Variants in DOK6 observed in about 807,000 individuals in gnomAD.
The protein encoded by DOK6 is docking protein 6.
A neutral mutation model predicts 44.0 loss-of-function variants in DOK6; 22 were observed. That is an observed-to-expected ratio of 0.50 (90% CI 0.36 to 0.71). The LOEUF is 0.71. DOK6 is among the 30% of genes least tolerant of loss of function. DOK6 has a pLI of 0.00. For synonymous variants in DOK6, 166 were observed against 145.5 expected, an observed-to-expected ratio of 1.14 and a Z score of -1.01; for missense variants, 340 against 416.4, an observed-to-expected ratio of 0.82 and a Z score of 1.60.
At chr18:69,723,584 GGC>G (rs1288390816) in intron 5 of DOK6, among the ~76,000 whole-genome samples, 1 of 152,188 alleles carries the variant, frequency 6.6e-6, no homozygotes, top group Non-Finnish European at 1.5e-5. Context: ...TGGGGAAGGT[GGC>G]AGAGGCCAAT....
intron 4 of DOK6, among the ~76,000 whole-genome samples, chr18:69,696,548 T>A (rs1986393369): frequency 6.6e-6 from 1 of 152,200 alleles, no homozygotes; most frequent in Non-Finnish European, 1.5e-5. Context: ...ATGTTTTACT[T>A]TCCGTTTCTA....
chr18:69,539,531 C>G (rs1982213040), intron 1 of DOK6, among the ~76,000 whole-genome samples: 1 of 149,412 alleles, frequency 6.7e-6, no homozygotes, highest in Admixed American at 6.7e-5. Flanking sequence ...GCTGGGACTA[C>G]AGGCACAGGG....
At chr18:69,590,249 G>A (rs1983593252) in intron 2 of DOK6, among the ~76,000 whole-genome samples, 1 of 152,082 alleles carries the variant, frequency 6.6e-6, no homozygotes, top group South Asian at 2.1e-4. Context: ...ACTGTGTCCT[G>A]CATAAGAACA....
At position 69,845,309 on chromosome 18, in the gene DOK6, AT is replaced by A. The variant is rs1281499823; in HGVS notation, c.*3928del. On this transcript the variant is annotated 3_prime_UTR_variant, in exon 8 of 8. Transcript: ENST00000382713. ...AACAATTCGTGTTTTAAAATATTATATTGAAGACTGCACAAAGAGAAAATTA... is the reference window on the plus strand; with the variant it reads ...AACAATTCGTGTTTTAAAATATTATATGAAGACTGCACAAAGAGAAAATTA... 2.0e-5 allele frequency: 3 copies of A among 152,250 alleles called. No individual in the cohort carries two copies. The East Asian group carries it at 5.8e-4, about 29-fold the overall frequency. 9.4% of individuals were successfully genotyped at this position (152,250 alleles called of 1,614,324 possible). A position where few individuals can be genotyped will look rare whatever the true frequency, so the allele number is the denominator to read the frequency against.
At chr18:69,411,240 A>T (rs17831973) in intron 1 of DOK6, among the ~76,000 whole-genome samples, 2,170 of 152,306 alleles carry the variant, frequency 0.014, 25 homozygotes, top group Middle Eastern at 0.045. Flanking sequence ...GTGTGGAGTA[A>T]TGAGAAAAGA....
At chr18:69,424,473 C>T (rs1002631144) in intron 1 of DOK6, among the ~76,000 whole-genome samples, 19 of 152,094 alleles carry the variant, frequency 1.2e-4, no homozygotes, top group Non-Finnish European at 1.2e-4. Flanking sequence ...TAATGGTGTA[C>T]AAGAATGCCA....
At chr18:69,787,374 TTTATTTGTAACA>T (rs1324230399) in intron 7 of DOK6, among the ~76,000 whole-genome samples, 1 of 152,202 alleles carries the variant, frequency 6.6e-6, no homozygotes, top group Non-Finnish European at 1.5e-5. Context: ...GTGTGTTAAC[TTTATTTGTAACA>T]TACGTATTTA....
chr18:69,653,954 G>A (rs1238928257), intron 3 of DOK6, among the ~76,000 whole-genome samples: 5 of 152,236 alleles, frequency 3.3e-5, no homozygotes, highest in Non-Finnish European at 7.3e-5. Context: ...TCCAATATGA[G>A]AGTCAAAATA....
chr18:69,517,729 G>GTTTT (rs5825948), intron 1 of DOK6, among the ~76,000 whole-genome samples: 1 of 146,742 alleles, frequency 6.8e-6, no homozygotes, highest in East Asian at 2.0e-4. Context: ...ATACAGCTTG[G>GTTTT]TTTTTTTTTT....
rs745958326 is a variant in DOK6, at chr18:69,803,402, G to A, written c.857-37842G>A. Among the ~76,000 whole-genome samples, 5 of 152,166 alleles carry A rather than the reference G, an allele frequency of 3.3e-5. No homozygotes were observed. In the East Asian group the frequency reaches 5.8e-4, roughly 18 times the overall value. On this transcript the variant is annotated intron_variant, in intron 7 of 7. Coordinates refer to ENST00000382713, the MANE Select transcript of DOK6 (RefSeq NM_152721.6). ...TCAGAAAATTCTTCTTAAATAAGAT[G>A]CAAAACCACCTTCAATAAGAGGTTA... is the stretch of plus-strand genomic sequence containing the variant.
chr18:69,739,143 A>G (rs1568111712), intron 6 of DOK6, 40 bp downstream of exon 6: 1 of 1,609,850 alleles, frequency 6.2e-7, no homozygotes, highest in East Asian at 2.2e-5. Flanking sequence ...CTTGGAAATG[A>G]ATGTCACTGG....
At chr18:69,740,709 G>A (rs1978771404) in intron 6 of DOK6, among the ~76,000 whole-genome samples, 1 of 152,186 alleles carries the variant, frequency 6.6e-6, no homozygotes, top group African/African-American at 2.4e-5. Context: ...GCATGTAATA[G>A]TTCTACTCAT....
chr18:69,565,635 A>C (rs1219502480), intron 2 of DOK6, among the ~76,000 whole-genome samples: 2 of 152,084 alleles, frequency 1.3e-5, no homozygotes, highest in South Asian at 2.1e-4. Flanking sequence ...TGATTTCCCA[A>C]AGTCCTGGGA....
intron 3 of DOK6, among the ~76,000 whole-genome samples, chr18:69,653,902 C>T (rs1985295739): frequency 7.2e-6 from 1 of 139,616 alleles, no homozygotes; most frequent in Admixed American, 7.4e-5. Context: ...CCAATCATTC[C>T]AGGAGAAAAA....
At chr18:69,718,033 T>G (rs1364450828) in intron 5 of DOK6, among the ~76,000 whole-genome samples, 1 of 152,244 alleles carries the variant, frequency 6.6e-6, no homozygotes, top group Non-Finnish European at 1.5e-5. Flanking sequence ...GTTAATGCCC[T>G]TTTAATATAA....
In DOK6 at chr18:69,401,323, C is replaced by T; in HGVS notation, c.66+13C>T. The stretch of plus-strand genomic sequence containing the variant: ...CAGGAAGCTTGGGGTGAGTGGCTCG[C>T]TCGGCTTGCTCCTTCCCCGGCGCTC... On this transcript the variant is annotated intron_variant, in intron 1 of 7. Coordinates refer to ENST00000382713, the MANE Select transcript of DOK6 (RefSeq NM_152721.6). The T allele has an allele frequency of 4.0e-6, 6 of 1,513,048 alleles. No homozygotes were observed. The highest frequency in any genetic ancestry group is 5.3e-6 in the Non-Finnish European group (6 of 1,129,528). 93.7% of individuals were successfully genotyped at this position (1,513,048 alleles called of 1,614,324 possible).
chr18:69,646,907 T>A (rs773030256), intron 3 of DOK6, among the ~76,000 whole-genome samples: 7 of 152,182 alleles, frequency 4.6e-5, no homozygotes, highest in African/African-American at 7.2e-5. Flanking sequence ...TGTCCCACAT[T>A]GCTAAGCATG....
chr18:69,814,012 G>A (rs1462297317), intron 7 of DOK6, among the ~76,000 whole-genome samples: 3 of 152,046 alleles, frequency 2.0e-5, no homozygotes, highest in Non-Finnish European at 4.4e-5. Context: ...CTGCCACCAA[G>A]AGGATGTAGT....
intron 1 of DOK6, among the ~76,000 whole-genome samples, chr18:69,562,282 T>A (rs1300466938): frequency 6.6e-6 from 1 of 151,802 alleles, no homozygotes; most frequent in Non-Finnish European, 1.5e-5. Context: ...TAGTCTGGGT[T>A]TTTTTTTCAA....
Sources: allele counts gnomAD v4.1 joint callset (sites outside exome capture counted in the v4.1 genomes callset), GRCh38; gene constraint gnomAD v4.1.1; transcripts MANE v1.5; gene names NCBI Gene and HGNC (gene_info 2026-07-23, HGNC 2026-07-21).